The following SUMF1 variants were observed in gnomAD, a reference collection of about 807,000 sequenced individuals.
SUMF1 encodes formylglycine-generating enzyme.
SUMF1 carries 48 observed loss-of-function variants against 47.6 expected under a neutral mutation model. The observed-to-expected ratio is 1.01, with a 90% CI of 0.80 to 1.28. The LOEUF is 1.28. SUMF1 is among the 50% of genes most tolerant of loss of function. The pLI is 0.00. For synonymous variants in SUMF1, 230 were observed against 192.1 expected (o/e 1.20, Z -1.63); for missense variants, 571 against 485.4 (o/e 1.18, Z -1.66).
In SUMF1 at chr3:4,152,022, C is replaced by G. The variant is rs1021045327; in HGVS notation, c.1015-83277G>C. Among the ~76,000 whole-genome samples the G allele has an allele frequency of 4.0e-5, 6 of 151,466 alleles. 1 individual carries two copies. Among genetic ancestry groups the G allele is most frequent in the African/African-American group, 1.2e-4 (5 of 40,812 alleles). On this transcript the variant is annotated intron_variant and NMD_transcript_variant, in intron 8 of 12. Transcript: ENST00000448413. Reference sequence around the variant, plus strand: ...TTCAAGTATTAATATGATGAAAATACAAGCATTCATAATGTAACCTCACAT... The same window carrying G: ...TTCAAGTATTAATATGATGAAAATAGAAGCATTCATAATGTAACCTCACAT...
At chr3:4,195,345 GC>G (rs1695405389) in intron 8 of SUMF1, among the ~76,000 whole-genome samples, 1 of 152,046 alleles carries the variant, frequency 6.6e-6, no homozygotes, top group Admixed American at 6.6e-5. Context: ...CTGTACATAA[GC>G]CAAGGGAAGA....
At chr3:4,449,497 T>C (rs201216248) in intron 2 of SUMF1, among the ~76,000 whole-genome samples, 157 bp from the exon 3 acceptor site, 1 of 152,252 alleles carries the variant, frequency 6.6e-6, no homozygotes, top group Non-Finnish European at 1.5e-5. Flanking sequence ...GACCTAAAAG[T>C]CTCTGGCTTC....
rs534973592 is a variant in SUMF1, at chr3:4,143,458, G to A, written c.1015-74713C>T. Among the ~76,000 whole-genome samples the A allele has an allele frequency of 9.9e-5, 15 of 152,154 alleles. No individual in the cohort carries two copies. In the East Asian group the frequency reaches 2.7e-3, roughly 27 times the overall value. ...GGTCAGATAGTAGGATTTCAAGCAA[G>A]AACAGTAGCAATTACATCTGAACAA... On this transcript the variant is annotated intron_variant and NMD_transcript_variant, in intron 8 of 12. Transcript: ENST00000448413.
At chr3:4,122,252 C>A (rs1693562094) in intron 8 of SUMF1, among the ~76,000 whole-genome samples, 1 of 152,102 alleles carries the variant, frequency 6.6e-6, no homozygotes, top group African/African-American at 2.4e-5. Flanking sequence ...ATCCGTATAA[C>A]AGAATATTAT....
intron 8 of SUMF1, among the ~76,000 whole-genome samples, chr3:4,135,563 C>A (rs548159100): frequency 1.3e-5 from 2 of 152,120 alleles, no homozygotes; most frequent in African/African-American, 4.8e-5. Context: ...AAAACTGGCA[C>A]AAGACAGGGA....
At chr3:4,092,619 A>C (rs542075147) in intron 8 of SUMF1, among the ~76,000 whole-genome samples, 31 of 152,282 alleles carry the variant, frequency 2.0e-4, no homozygotes, top group African/African-American at 7.5e-4. Context: ...AAAGACTCAT[A>C]CAAGAAAAAC....
At chr3:4,414,767 G>GA (rs1273904253) in intron 6 of SUMF1, 1 of 152,086 alleles carries the variant, frequency 6.6e-6, no homozygotes, top group African/African-American at 2.4e-5. Context: ...TGTATTTTTT[G>GA]AAAAGGTACA....
rs190491081 is a variant in SUMF1 at position 4,110,239 on chromosome 3, G to C, written c.1015-41494C>G. 4.3e-3 allele frequency among the ~76,000 whole-genome samples: 653 copies of C among 152,220 alleles called. 16 individuals are homozygous for C. The highest frequency in any genetic ancestry group is 1.4e-3 in the Non-Finnish European group (98 of 68,026). ...CAGCAGCGGAGGCTGCAGAACAGCG[G>C]ATATTGGTGAACAGCAGATGTTGCT... On this transcript the variant is annotated intron_variant and NMD_transcript_variant, in intron 8 of 12. Transcript: ENST00000448413.
chr3:4,371,430 T>C (rs978436662), intron 8 of SUMF1, among the ~76,000 whole-genome samples: 1 of 152,184 alleles, frequency 6.6e-6, no homozygotes, highest in Non-Finnish European at 1.5e-5. Flanking sequence ...GGAGCAGCAA[T>C]ATGGTTTTTA....
intron 8 of SUMF1, among the ~76,000 whole-genome samples, chr3:4,153,214 C>CT (rs1056716465): frequency 6.6e-6 from 1 of 150,986 alleles, no homozygotes; most frequent in Non-Finnish European, 1.5e-5. Context: ...TGAGGATTTT[C>CT]TTTTTTTTCT....
At chr3:4,112,294 T>A (rs1232259553) in intron 8 of SUMF1, among the ~76,000 whole-genome samples, 3 of 152,172 alleles carry the variant, frequency 2.0e-5, no homozygotes, top group Admixed American at 6.5e-5. Context: ...AAGAGCATGT[T>A]TCTTTCTTTA....
At chr3:4,351,058 G>T (rs1367499520) in intron 8 of SUMF1, among the ~76,000 whole-genome samples, 5 of 152,158 alleles carry the variant, frequency 3.3e-5, no homozygotes, top group Non-Finnish European at 4.4e-5. Context: ...CACAGACGGA[G>T]GTACAAGGGT....
intron 3 of SUMF1, among the ~76,000 whole-genome samples, chr3:4,436,064 T>C (rs1702386085): frequency 6.6e-6 from 1 of 152,200 alleles, no homozygotes; most frequent in South Asian, 2.1e-4. Context: ...GGAGGATCAC[T>C]TGAGGCCAGG....
At chr3:4,352,126 T>C (rs566394022) in intron 8 of SUMF1, among the ~76,000 whole-genome samples, 2 of 151,728 alleles carry the variant, frequency 1.3e-5, no homozygotes, top group African/African-American at 2.4e-5. Context: ...AGTCCACCAC[T>C]CCCCACCCCA....
At chr3:4,298,154 A>G (rs1389422435) in intron 8 of SUMF1, among the ~76,000 whole-genome samples, 1 of 152,222 alleles carries the variant, frequency 6.6e-6, no homozygotes, top group Non-Finnish European at 1.5e-5. Flanking sequence ...ATGGAAATCT[A>G]TTAGGGCAAT....
At chr3:4,344,032 T>G (rs1699323765) in intron 8 of SUMF1, among the ~76,000 whole-genome samples, 2 of 152,248 alleles carry the variant, frequency 1.3e-5, no homozygotes, top group Non-Finnish European at 2.9e-5. Flanking sequence ...TATGACTCAA[T>G]TTTGTTTTAT....
intron 8 of SUMF1, among the ~76,000 whole-genome samples, chr3:4,096,556 T>A (rs1692909001): frequency 6.6e-6 from 1 of 152,096 alleles, no homozygotes; most frequent in Admixed American, 6.5e-5. Flanking sequence ...CACAGCAGCT[T>A]CTCTGTATAC....
chr3:4,414,866 T>C (rs932547428), intron 6 of SUMF1: 3 of 152,236 alleles, frequency 2.0e-5, no homozygotes, highest in Non-Finnish European at 4.4e-5. Context: ...TGCTGTCAAA[T>C]ATGCATAACT....
chr3:4,221,819 A>G (rs1383604752), intron 8 of SUMF1, among the ~76,000 whole-genome samples: 2 of 152,138 alleles, frequency 1.3e-5, no homozygotes, highest in Non-Finnish European at 2.9e-5. Context: ...TATATGTTTC[A>G]CATACACACA....
Sources: gnomAD v4.1 joint callset for allele counts (sites outside exome capture counted in the v4.1 genomes callset) on GRCh38, gnomAD v4.1.1 for gene constraint, MANE v1.5 for transcripts, NCBI Gene and HGNC (gene_info 2026-07-23, HGNC 2026-07-21) for gene names.